Variants in DPH6 observed in about 807,000 individuals in gnomAD.
DPH6 encodes the protein diphthamine biosynthesis 6.
DPH6 carries 33 observed loss-of-function variants against 38.2 expected under a neutral mutation model. That is an observed-to-expected ratio of 0.86 (90% CI 0.65 to 1.15). The LOEUF is 1.15. Among genes scored for constraint, DPH6 ranks in the 50% most tolerant of loss-of-function variants. DPH6 has a pLI of 0.00. For synonymous variants in DPH6, 108 were observed against 103.0 expected (o/e 1.05, Z -0.30); for missense variants, 325 against 320.0 (o/e 1.02, Z -0.12).
Position 35,371,183 on chromosome 15 carries a change from T to C in DPH6, c.*967A>G, listed in dbSNP as rs918155934. 1 of 151,746 alleles carries C rather than the reference T, an allele frequency of 6.6e-6. No individual in the cohort carries two copies. The highest frequency in any genetic ancestry group is 6.6e-5 in the Admixed American group (1 of 15,198). 9.4% of individuals were successfully genotyped at this position (151,746 alleles called of 1,614,324 possible). ...CTATGTACACAGTGAAAAGATCAGT[T>C]GCTAAGGGTTAAAGGAGAGGGAGGG... On this transcript the variant is annotated 3_prime_UTR_variant, in exon 9 of 9. Coordinates refer to ENST00000256538, the MANE Select transcript of DPH6 (RefSeq NM_080650.4).
chr15:35,301,727 C>T (rs576195043), intron 3 of DPH6, among the ~76,000 whole-genome samples: 4 of 152,260 alleles, frequency 2.6e-5, no homozygotes, highest in Admixed American at 6.5e-5. Flanking sequence ...AATCCCAGCA[C>T]TTTCGGAGGC....
intron 3 of DPH6, among the ~76,000 whole-genome samples, chr15:35,361,711 T>C (rs966505563): frequency 2.0e-5 from 3 of 151,850 alleles, no homozygotes; most frequent in Non-Finnish European, 2.9e-5. Flanking sequence ...AAATCTGCTG[T>C]TGAACCTCTC....
chr15:35,354,456 T>C (rs545235511), intron 3 of DPH6, among the ~76,000 whole-genome samples: 18 of 152,352 alleles, frequency 1.2e-4, no homozygotes, highest in Non-Finnish European at 2.4e-4. Flanking sequence ...ATATGTCCCA[T>C]CAATATGAAA....
chr15:35,439,759 C>T (rs2053763511), intron 5 of DPH6, among the ~76,000 whole-genome samples: 4 of 151,766 alleles, frequency 2.6e-5, no homozygotes, highest in Admixed American at 2.0e-4. Flanking sequence ...GTGTACAAAC[C>T]CATGGCAGGG....
intron 3 of DPH6, among the ~76,000 whole-genome samples, chr15:35,455,357 G>A (rs2053983268): frequency 6.6e-6 from 1 of 152,116 alleles, no homozygotes; most frequent in Non-Finnish European, 1.5e-5. Context: ...TCTGTCATGG[G>A]AAGGAAGCAA....
chr15:35,290,102 C>A (rs1204514576), intron 3 of DPH6, among the ~76,000 whole-genome samples: 1 of 152,178 alleles, frequency 6.6e-6, no homozygotes, highest in Admixed American at 6.5e-5. Flanking sequence ...ACACATTTTA[C>A]CACTTACTAA....
chr15:35,525,182 A>C (rs1199647882), intron 3 of DPH6, among the ~76,000 whole-genome samples: 1 of 152,244 alleles, frequency 6.6e-6, no homozygotes, highest in Non-Finnish European at 1.5e-5. Context: ...AATGCAATAG[A>C]AATTTTTAAA....
chr15:35,197,078 G>A, the DPH6 span, among the ~76,000 whole-genome samples: 7 of 152,122 alleles, frequency 4.6e-5, no homozygotes, highest in African/African-American at 1.7e-4. Context: ...TTTGAACACA[G>A]TCCTGTAAAA....
chr15:35,399,022 T>C (rs1263046225), intron 6 of DPH6, among the ~76,000 whole-genome samples: 2 of 152,182 alleles, frequency 1.3e-5, no homozygotes, highest in Non-Finnish European at 2.9e-5. Context: ...CCCATCCACA[T>C]ACCTAGTGCT....
chr15:35,333,823 C>A (rs964459600), intron 3 of DPH6, among the ~76,000 whole-genome samples: 12 of 151,860 alleles, frequency 7.9e-5, no homozygotes, highest in African/African-American at 2.9e-4. Flanking sequence ...ATACATGCAC[C>A]CATAGGTTCA....
At chr15:35,251,686 CT>C (rs779686087) in intron 3 of DPH6, among the ~76,000 whole-genome samples, 32 of 152,342 alleles carry the variant, frequency 2.1e-4, no homozygotes, top group Non-Finnish European at 4.0e-4. Flanking sequence ...TCTGCTTCCC[CT>C]CTTATGTCCT....
chr15:35,456,951 A>C (rs2141095313), intron 3 of DPH6, among the ~76,000 whole-genome samples: 1 of 151,660 alleles, frequency 6.6e-6, no homozygotes, highest in East Asian at 2.0e-4. Flanking sequence ...ATTTTATTTC[A>C]TGTATTTTTA....
At chr15:35,404,623 TA>T (rs533620194) in intron 6 of DPH6, among the ~76,000 whole-genome samples, 90 of 152,198 alleles carry the variant, frequency 5.9e-4, no homozygotes, top group Non-Finnish European at 1.1e-3. Context: ...ATTCTAGCTA[TA>T]AATCTTTTAT....
chr15:35,398,555 G>A (rs143254661), intron 6 of DPH6, among the ~76,000 whole-genome samples: 229 of 152,248 alleles, frequency 1.5e-3, no homozygotes, highest in African/African-American at 5.0e-3. Flanking sequence ...GCTCTGTGCC[G>A]CCTTCCTACA....
the DPH6 span, among the ~76,000 whole-genome samples, chr15:35,153,980 G>C: frequency 6.6e-6 from 1 of 152,138 alleles, no homozygotes; most frequent in Non-Finnish European, 1.5e-5. Context: ...GCATAATTGA[G>C]TAGTTCATAC....
At chr15:35,520,759 T>A (rs2054912591) in intron 3 of DPH6, 1 of 984,422 alleles carries the variant, frequency 1.0e-6, no homozygotes, top group Non-Finnish European at 1.2e-6. Flanking sequence ...ATATGTACAA[T>A]GAAAAAAAAA....
chr15:35,456,477 ATT>A (rs2053998623), intron 3 of DPH6, among the ~76,000 whole-genome samples: 1 of 144,662 alleles, frequency 6.9e-6, no homozygotes, highest in African/African-American at 2.5e-5. Flanking sequence ...ATATATATTT[ATT>A]TATTTATTTA....
At chr15:35,151,594 G>A in the DPH6 span, among the ~76,000 whole-genome samples, 3 of 152,180 alleles carry the variant, frequency 2.0e-5, no homozygotes, top group African/African-American at 7.2e-5. Context: ...TCCCAGCGAC[G>A]TGCACTGTAG....
chr15:35,297,864 A>T (rs888755932), intron 3 of DPH6, among the ~76,000 whole-genome samples: 8 of 151,952 alleles, frequency 5.3e-5, no homozygotes, highest in Non-Finnish European at 7.4e-5. Flanking sequence ...ATCTCAATTT[A>T]TAAGACTACC....
Sources: allele counts gnomAD v4.1 joint callset (sites outside exome capture counted in the v4.1 genomes callset), GRCh38; gene constraint gnomAD v4.1.1; transcripts MANE v1.5; gene names NCBI Gene and HGNC (gene_info 2026-07-23, HGNC 2026-07-21).